OR9Q1: variants seen among roughly 807,000 people sequenced by gnomAD.
The protein encoded by OR9Q1 is olfactory receptor family 9 subfamily Q member 1, also known as olfactory receptor 9Q1.
For synonymous variants in OR9Q1, 153 were observed against 148.6 expected (o/e 1.03, Z -0.22); for missense variants, 374 against 378.8 (o/e 0.99, Z 0.11).
At chr11:58,025,133 G>C (rs1852958921) in intron 1 of OR9Q1, among the ~76,000 whole-genome samples, 1 of 152,158 alleles carries the variant, frequency 6.6e-6, no homozygotes, top group Non-Finnish European at 1.5e-5. Flanking sequence ...TAAGCCAGAT[G>C]GTATCAGCCC....
At chr11:58,101,960 G>T (rs11604577) in intron 2 of OR9Q1, among the ~76,000 whole-genome samples, 32,351 of 151,962 alleles carry the variant, frequency 0.21, 4,097 homozygotes, top group Middle Eastern at 0.38. Context: ...TGGTGAGGCT[G>T]GTCTCAAACT....
At chr11:58,065,389 C>A (rs1853419174) in intron 2 of OR9Q1, among the ~76,000 whole-genome samples, 1 of 18,568 alleles carries the variant, frequency 5.4e-5, no homozygotes, top group South Asian at 9.9e-4. Context: ...ATGCCTTTGA[C>A]AAAAACTCAG....
intron 2 of OR9Q1, among the ~76,000 whole-genome samples, chr11:58,139,573 G>C (rs925078878): frequency 6.6e-6 from 1 of 151,972 alleles, no homozygotes; most frequent in African/African-American, 2.4e-5. Context: ...TGAGAATGAT[G>C]GTTTCCAGCT....
intron 2 of OR9Q1, among the ~76,000 whole-genome samples, chr11:58,062,096 C>T (rs1374201096): frequency 1.3e-5 from 2 of 152,190 alleles, no homozygotes; most frequent in African/African-American, 2.4e-5. Flanking sequence ...ACACCACTTA[C>T]TAAGAGTGAG....
At chr11:58,100,577 A>G (rs1470840252) in intron 2 of OR9Q1, among the ~76,000 whole-genome samples, 1 of 152,106 alleles carries the variant, frequency 6.6e-6, no homozygotes, top group African/African-American at 2.4e-5. Flanking sequence ...CCTATAGATA[A>G]AAGTGTTCAT....
At chr11:58,116,852 C>T (rs1461662529) in intron 2 of OR9Q1, 1 of 152,142 alleles carries the variant, frequency 6.6e-6, no homozygotes, top group Non-Finnish European at 1.5e-5. Flanking sequence ...TTCATAAAAT[C>T]AAAGCTGGGT....
chr11:58,138,862 A>C (rs1047189204), intron 2 of OR9Q1, among the ~76,000 whole-genome samples: 1 of 152,216 alleles, frequency 6.6e-6, no homozygotes, highest in African/African-American at 2.4e-5. Flanking sequence ...AGATTTCAAG[A>C]ACTTATTCCT....
At chr11:58,161,877 A>G (rs187830460) in intron 2 of OR9Q1, among the ~76,000 whole-genome samples, 2 of 152,268 alleles carry the variant, frequency 1.3e-5, no homozygotes, top group Non-Finnish European at 2.9e-5. Context: ...CCAAACTGTT[A>G]TATCCAATTA....
intron 2 of OR9Q1, among the ~76,000 whole-genome samples, chr11:58,131,604 C>G (rs969662083): frequency 4.6e-5 from 7 of 151,874 alleles, no homozygotes; most frequent in African/African-American, 1.7e-4. Context: ...GAGTTTTGAG[C>G]ATTCTGACTA....
At chr11:58,117,451 T>A (rs996384477) in intron 2 of OR9Q1, 1 of 152,280 alleles carries the variant, frequency 6.6e-6, no homozygotes, top group Middle Eastern at 3.4e-3. Flanking sequence ...CCATTTGCCA[T>A]AGAGTTGCCA....
chr11:58,053,617 A>ATATATATAAAATATATATATATAAAT (rs1565062085), intron 1 of OR9Q1, among the ~76,000 whole-genome samples: 1 of 77,002 alleles, frequency 1.3e-5, no homozygotes, highest in Non-Finnish European at 2.6e-5. Flanking sequence ...TAAAAAATAT[A>ATATATATAAAATATATATATATAAAT]TATATATATA....
chr11:58,071,560 T>G (rs1434792806), intron 2 of OR9Q1, among the ~76,000 whole-genome samples: 1 of 151,922 alleles, frequency 6.6e-6, no homozygotes, highest in Non-Finnish European at 1.5e-5. Flanking sequence ...GAAGTAGAGT[T>G]TGCATTCCTT....
intron 2 of OR9Q1, among the ~76,000 whole-genome samples, chr11:58,112,017 G>A (rs749834710): frequency 6.6e-6 from 1 of 152,166 alleles, no homozygotes; most frequent in Non-Finnish European, 1.5e-5. Flanking sequence ...GCCAGGTGTG[G>A]TGGCTCATGC....
At chr11:58,115,087 G>A (rs905492621) in intron 2 of OR9Q1, among the ~76,000 whole-genome samples, 17 of 152,140 alleles carry the variant, frequency 1.1e-4, no homozygotes, top group African/African-American at 3.6e-4. Context: ...TAAGCGTTCA[G>A]TTGTACAGGA....
chr11:58,158,913 A>G (rs1854433405), intron 2 of OR9Q1, among the ~76,000 whole-genome samples: 1 of 152,224 alleles, frequency 6.6e-6, no homozygotes, highest in Non-Finnish European at 1.5e-5. Flanking sequence ...GATATGAGGA[A>G]GGAACACTCC....
At chr11:58,031,476 C>T (rs751349132) in intron 1 of OR9Q1, 1 of 1,614,112 alleles carries the variant, frequency 6.2e-7, no homozygotes, top group Non-Finnish European at 8.5e-7. Context: ...TTTTATGGCC[C>T]AAATGTCATT....
chr11:58,034,792 C>CCCTTCCTTCCTT (rs71061567), intron 1 of OR9Q1, among the ~76,000 whole-genome samples: 2,116 of 96,038 alleles, frequency 0.022, 119 homozygotes, highest in African/African-American at 0.066. Flanking sequence ...CCTCCTTTCT[C>CCCTTCCTTCCTT]CCTTCCTTCC....
chr11:58,102,447 G>T (rs901020445), intron 2 of OR9Q1, among the ~76,000 whole-genome samples: 2 of 152,040 alleles, frequency 1.3e-5, no homozygotes, highest in Non-Finnish European at 2.9e-5. Flanking sequence ...TCTCTTGTAA[G>T]GCCAGCCTGG....
chr11:58,097,445 A>G (rs1853742945), intron 2 of OR9Q1, among the ~76,000 whole-genome samples: 1 of 152,242 alleles, frequency 6.6e-6, no homozygotes, highest in South Asian at 2.1e-4. Flanking sequence ...ACAATTTTAT[A>G]TGGACCATGC....
Sources: gnomAD v4.1 joint callset for allele counts (sites outside exome capture counted in the v4.1 genomes callset) on GRCh38, gnomAD v4.1.1 for gene constraint, MANE v1.5 for transcripts, NCBI Gene and HGNC (gene_info 2026-07-23, HGNC 2026-07-21) for gene names.